The following CDC14C variants were observed in gnomAD, a reference collection of about 807,000 sequenced individuals.
The protein encoded by CDC14C is cell division cycle 14C.
In CDC14C, 19 loss-of-function variants were observed where a neutral mutation model predicts 26.9. That is an observed-to-expected ratio of 0.71 (90% confidence interval 0.49 to 1.04). The LOEUF (loss-of-function observed/expected upper bound fraction) is 1.04. CDC14C is among the 50% of genes least tolerant of loss of function. The pLI, the probability that CDC14C is intolerant of heterozygous loss-of-function variation, is 0.00. For missense variants in CDC14C, 423 were observed against 520.0 expected (o/e 0.81, Z 1.81); for synonymous variants, 185 against 180.1 (o/e 1.03, Z -0.22).
chr7:48,926,536 T>C lies in CDC14C; in HGVS notation c.*520T>C, dbSNP rs1798891625. Among the ~76,000 whole-genome samples the C allele has an allele frequency of 6.6e-6, 1 of 152,104 alleles. No individual in the cohort carries two copies. Among genetic ancestry groups the C allele is most frequent in the Non-Finnish European group, 1.5e-5 (1 of 68,024 alleles). On this transcript the variant is annotated 3_prime_UTR_variant, in exon 1 of 1. Coordinates refer to ENST00000650262, the MANE Select transcript of CDC14C (RefSeq NM_152627.3). ...ATGGGAAACGAAGGGATGGGCCTAA[T>C]TAAAGGCATAGGTTGGGCTAGTTAA...
Position 48,924,618 on chromosome 7 carries a change from C to A in CDC14C, c.-55C>A. ...AAAGCAAGGGGCGGTCGAGCTGGGCCGCCGCGCCCCACTGCTCGCCGCGCT... is the reference window on the plus strand; with the variant it reads ...AAAGCAAGGGGCGGTCGAGCTGGGCAGCCGCGCCCCACTGCTCGCCGCGCT... On this transcript the variant is annotated 5_prime_UTR_variant, in exon 1 of 1. Transcript: ENST00000650262. The A allele has an allele frequency of 3.1e-6, 3 of 968,976 alleles. No homozygotes were observed. The highest frequency in any genetic ancestry group is 4.8e-6 in the Non-Finnish European group (3 of 621,862). The allele number at this position is 968,976 out of a possible 1,614,324, so 60.0% of individuals were successfully genotyped here. A position where few individuals can be genotyped will look rare whatever the true frequency, so the allele number is the denominator to read the frequency against.
rs757814361 is a variant in CDC14C, at chr7:48,925,399, T to C, written c.727T>C (p.Phe243Leu). 2.3e-5 allele frequency: 37 copies of C among 1,611,980 alleles called. 1 individual carries two copies. In the East Asian group the frequency reaches 8.2e-4, roughly 36 times the overall value. The change falls in exon 1 of 1, where the codon TTT (phenylalanine) becomes CTT (leucine). Residue 243 changes from phenylalanine to leucine, a missense_variant. Physicochemically the swap from Phe to Leu is conservative, Grantham distance 22. Coordinates refer to ENST00000650262, the MANE Select transcript of CDC14C (RefSeq NM_152627.3). ...TAAAAGGATGTATGATGCCAAACGC[T>C]TTACGGATGCTGGCTTCGATCACCA... ...LNKRMYDAKR[F>L]TDAGFDHHDL...
chr7:48,924,935 T>C lies in CDC14C; in HGVS notation c.263T>C (p.Ile88Thr), dbSNP rs1322233146. 2.2e-5 allele frequency: 31 copies of C among 1,435,502 alleles called. No homozygotes were observed. The highest frequency in any genetic ancestry group is 3.0e-5 in the Non-Finnish European group (31 of 1,017,148). 88.9% of individuals were successfully genotyped at this position (1,435,502 alleles called of 1,614,324 possible). A position where few individuals can be genotyped will look rare whatever the true frequency, so the allele number is the denominator to read the frequency against. ...LKSITMLRKK[I>T]VHFTGSDQRK... ...TCCATTACAATGTTAAGGAAGAAAA[T>C]TGTTCATTTTACTGGCTCTGATCAG... The change falls in exon 1 of 1, where the codon ATT (isoleucine) becomes ACT (threonine). Residue 88 changes from isoleucine (I) to threonine (T), a missense_variant. Coordinates refer to ENST00000650262, the MANE Select transcript of CDC14C (RefSeq NM_152627.3).
rs1224026666 is a variant in CDC14C, at chr7:48,925,723, C to G, written c.1051C>G (p.Gln351Glu). ...CTATTTTCGTCAGAGGTTAAAGGGG[C>G]AGGAGAATGGACAACACAGAGCAGC... ...GDYFRQRLKGQENGQHRAAFS... is the reference protein window; with the variant it reads ...GDYFRQRLKGEENGQHRAAFS... Residue 351 changes from glutamine to glutamate, a missense_variant, in exon 1 of 1, where the codon CAG becomes GAG. Physicochemically the swap from Gln to Glu is conservative, Grantham distance 29 (BLOSUM62 2). Transcript: ENST00000650262. 8.9e-7 allele frequency: 1 copy of G among 1,122,964 alleles called. No individual in the cohort carries two copies. The highest frequency in any genetic ancestry group is 1.7e-5 in the Admixed American group (1 of 59,422). The allele number at this position is 1,122,964 out of a possible 1,614,324, so 69.6% of individuals were successfully genotyped here. A position where few individuals can be genotyped will look rare whatever the true frequency, so the allele number is the denominator to read the frequency against.
rs1562669283 is a variant in CDC14C at position 48,926,771 on chromosome 7, G to A, written c.*755G>A. 1.3e-5 allele frequency among the ~76,000 whole-genome samples: 2 copies of A among 149,032 alleles called. No homozygotes were observed. The highest frequency in any genetic ancestry group is 1.5e-5 in the Non-Finnish European group (1 of 67,254). On this transcript the variant is annotated 3_prime_UTR_variant, in exon 1 of 1. Coordinates refer to ENST00000650262, the MANE Select transcript of CDC14C (RefSeq NM_152627.3). ...AGATTTTATTTATGGCCAGTTTTGG[G>A]GCCAGTTTATGGCTGGATTTTGGGG...
In CDC14C at chr7:48,925,824, A is replaced by G. The variant is rs775388574; in HGVS notation, c.1152A>G (p.Lys384=). The G allele has an allele frequency of 2.0e-5, 16 of 806,162 alleles. 1 individual carries two copies. The highest frequency in any genetic ancestry group is 2.2e-4 in the Middle Eastern group (1 of 4,544). The allele number at this position is 806,162 out of a possible 1,614,324, so 49.9% of individuals were successfully genotyped here. A position where few individuals can be genotyped will look rare whatever the true frequency, so the allele number is the denominator to read the frequency against. ...AGAATCAAGACCAGCAAGAACCCAAACCTTACAGTGATGACGACGAAATCA... is the reference window on the plus strand; with the variant it reads ...AGAATCAAGACCAGCAAGAACCCAAGCCTTACAGTGATGACGACGAAATCA... The part of the protein sequence containing the change: ...GVENQDQQEP[K]PYSDDDEING... The change falls in exon 1 of 1, where the codon AAA becomes AAG. Residue 384 remains lysine, a synonymous_variant. Coordinates refer to ENST00000650262, the MANE Select transcript of CDC14C (RefSeq NM_152627.3).
At position 48,925,505 on chromosome 7, in the gene CDC14C, G is replaced by A. The variant is rs1798870607; in HGVS notation, c.833G>A (p.Gly278Asp). The A allele has an allele frequency of 5.7e-6, 9 of 1,592,106 alleles. No homozygotes were observed. The East Asian group carries it at 2.0e-4, about 36-fold the overall frequency. ...RFLDICENAEGAIAVHCKAGL... is the reference protein window; with the variant it reads ...RFLDICENAEDAIAVHCKAGL... ...CTGGATATCTGTGAAAATGCTGAGG[G>A]TGCCATTGCAGTACATTGTAAAGCT... The change falls in exon 1 of 1, where the codon GGT becomes GAT. Residue 278 changes from glycine (G) to aspartate (D), a missense_variant. Gly to Asp is a moderately conservative substitution (Grantham distance 94, BLOSUM62 -1). Around this residue, in one of 3 missense-constraint regions of CDC14C, gnomAD observed 22 missense variants for 69.1 expected, o/e 0.32. Coordinates refer to ENST00000650262, the MANE Select transcript of CDC14C (RefSeq NM_152627.3).
rs1334695536 is a variant in CDC14C, at chr7:48,924,971, C to G, written c.299C>G (p.Ala100Gly). Residue 100 changes from alanine to glycine, a missense_variant, in exon 1 of 1, where the codon GCA becomes GGA. By Grantham distance (60) the Ala-to-Gly change is moderately conservative. Around this residue, in one of 3 missense-constraint regions of CDC14C, gnomAD observed 310 missense variants for 356.8 expected, o/e 0.87. Coordinates refer to ENST00000650262, the MANE Select transcript of CDC14C (RefSeq NM_152627.3). Reference protein sequence around the residue: ...HFTGSDQRKQANAAFLVGCYM... With the variant: ...HFTGSDQRKQGNAAFLVGCYM... ...ACTGGCTCTGATCAGAGAAAACAAG[C>G]AAATGCTGCCTTCCTTGTTGGATGC... The G allele has an allele frequency of 9.5e-6, 14 of 1,473,530 alleles. 1 individual carries two copies. The highest frequency in any genetic ancestry group is 6.7e-5 in the Admixed American group (4 of 59,824). 91.3% of individuals were successfully genotyped at this position (1,473,530 alleles called of 1,614,324 possible). A position where few individuals can be genotyped will look rare whatever the true frequency, so the allele number is the denominator to read the frequency against.
In CDC14C at chr7:48,925,269, A is replaced by C; in HGVS notation, c.597A>C (p.Gly199=). ...IIPDRFIAFC[G]PHSRARLESG... Reference sequence around the variant, plus strand: ...CAGACCGATTTATTGCCTTCTGTGGACCTCATTCAAGAGCCAGACTTGAAA... The same window carrying C: ...CAGACCGATTTATTGCCTTCTGTGGCCCTCATTCAAGAGCCAGACTTGAAA... The change falls in exon 1 of 1, where the codon GGA becomes GGC. Residue 199 remains glycine (G), a synonymous_variant. Coordinates refer to ENST00000650262, the MANE Select transcript of CDC14C (RefSeq NM_152627.3). 6.2e-7 allele frequency: 1 copy of C among 1,608,612 alleles called. No homozygotes were observed. The highest frequency in any genetic ancestry group is 8.5e-7 in the Non-Finnish European group (1 of 1,174,942).
In CDC14C at chr7:48,926,675, C is replaced by G. The variant is rs1179314783; in HGVS notation, c.*659C>G. On this transcript the variant is annotated 3_prime_UTR_variant, in exon 1 of 1. Transcript: ENST00000650262. ...CTGGGTGGGCCAGGTGTTCCTTGCC[C>G]TCATTCCGGTAAACCCACACCCTTC... Among the ~76,000 whole-genome samples, 1 of 151,940 alleles carries G rather than the reference C, an allele frequency of 6.6e-6. No individual in the cohort carries two copies. The highest frequency in any genetic ancestry group is 1.5e-5 in the Non-Finnish European group (1 of 68,002).
rs765033989 is a variant in CDC14C, at chr7:48,925,901, C to A, written c.1229C>A (p.Ser410Ter). The change falls in exon 1 of 1, where the codon TCA becomes TAA. Residue 410 changes from serine (S) to a stop codon, truncating the protein, a stop_gained. Coordinates refer to ENST00000650262, the MANE Select transcript of CDC14C (RefSeq NM_152627.3). LOFTEE classifies it high-confidence loss of function. ...RSRALKRRRQ[S>*]KTNDILLPSP... ...CGGGCCCTGAAAAGGCGAAGACAAT[C>A]AAAAACAAACGATATTCTTCTCCCA... 1.2e-5 allele frequency: 10 copies of A among 802,632 alleles called. No individual in the cohort carries two copies. Among genetic ancestry groups the A allele is most frequent in the Middle Eastern group, 2.2e-4 (1 of 4,526 alleles). 49.7% of individuals were successfully genotyped at this position (802,632 alleles called of 1,614,324 possible).
rs1333257664 is a variant in CDC14C, at chr7:48,924,870, G to T, written c.198G>T (p.Met66Ile). 1 of 1,463,658 alleles carries T rather than the reference G, an allele frequency of 6.8e-7. No individual in the cohort carries two copies. Among genetic ancestry groups the T allele is most frequent in the Admixed American group, 1.7e-5 (1 of 59,622 alleles). The allele number at this position is 1,463,658 out of a possible 1,614,324, so 90.7% of individuals were successfully genotyped here. ...ACTTTGGACCACTCAATCTGGCAAT[G>T]GTTTACAGATATTGTTGCAAGATAA... ...SEDFGPLNLA[M>I]VYRYCCKINK... is the part of the protein sequence containing the mutation. The change falls in exon 1 of 1, where the codon ATG becomes ATT. Residue 66 changes from methionine to isoleucine, a missense_variant. This residue lies in a region of CDC14C where 310 missense variants were observed against 356.8 expected (regional missense o/e 0.87). Coordinates refer to ENST00000650262, the MANE Select transcript of CDC14C (RefSeq NM_152627.3).
Position 48,927,250 on chromosome 7 carries a change from A to T in CDC14C, c.*1234A>T. Among the ~76,000 whole-genome samples the T allele has an allele frequency of 6.6e-6, 1 of 152,184 alleles. No individual in the cohort carries two copies. Among genetic ancestry groups the T allele is most frequent in the Non-Finnish European group, 1.5e-5 (1 of 68,050 alleles). On this transcript the variant is annotated 3_prime_UTR_variant, in exon 1 of 1. Transcript: ENST00000650262. The stretch of plus-strand genomic sequence containing the variant: ...CATTTTAAACACTGTTGCATGTTGT[A>T]ATACCAGGTGATACCTTGGTAACCT...
chr7:48,924,883 T>C lies in CDC14C; in HGVS notation c.211T>C (p.Cys71Arg). ...CAATCTGGCAATGGTTTACAGATATTGTTGCAAGATAAATAAGAAATTAAA... is the reference window on the plus strand; with the variant it reads ...CAATCTGGCAATGGTTTACAGATATCGTTGCAAGATAAATAAGAAATTAAA... ...PLNLAMVYRYCCKINKKLKSI... is the reference protein window; with the variant it reads ...PLNLAMVYRYRCKINKKLKSI... Residue 71 changes from cysteine (C) to arginine (R), a missense_variant, in exon 1 of 1, where the codon TGT becomes CGT. By Grantham distance (180) the Cys-to-Arg change is radical. Around this residue, in one of 3 missense-constraint regions of CDC14C, gnomAD observed 310 missense variants for 356.8 expected, o/e 0.87. Transcript: ENST00000650262. 6.9e-7 allele frequency: 1 copy of C among 1,456,066 alleles called. No individual in the cohort carries two copies. The highest frequency in any genetic ancestry group is 9.7e-7 in the Non-Finnish European group (1 of 1,035,512). 90.2% of individuals were successfully genotyped at this position (1,456,066 alleles called of 1,614,324 possible).
rs976322508 is a variant in CDC14C, at chr7:48,924,604, C to T, written c.-69C>T. On this transcript the variant is annotated 5_prime_UTR_variant, in exon 1 of 1. Transcript: ENST00000650262. ...CTCCAGGAAGCGGAAAAGCAAGGGG[C>T]GGTCGAGCTGGGCCGCCGCGCCCCA... The T allele has an allele frequency of 3.5e-6, 3 of 864,472 alleles. No homozygotes were observed. Among genetic ancestry groups the T allele is most frequent in the South Asian group, 3.1e-5 (2 of 64,698 alleles). The allele number at this position is 864,472 out of a possible 1,614,324, so 53.6% of individuals were successfully genotyped here.
rs752658901 is a variant in CDC14C, at chr7:48,924,714, C to A, written c.42C>A (p.Pro14=). 1 of 1,314,216 alleles carries A rather than the reference C, an allele frequency of 7.6e-7. No homozygotes were observed. The highest frequency in any genetic ancestry group is 1.1e-6 in the Non-Finnish European group (1 of 906,806). The allele number at this position is 1,314,216 out of a possible 1,614,324, so 81.4% of individuals were successfully genotyped here. A position where few individuals can be genotyped will look rare whatever the true frequency, so the allele number is the denominator to read the frequency against. The change falls in exon 1 of 1, where the codon CCC becomes CCA. Residue 14 remains proline, a synonymous_variant. Coordinates refer to ENST00000650262, the MANE Select transcript of CDC14C (RefSeq NM_152627.3). ...STLQDPRRRD[P]QDDVYVDITD... is the part of the protein sequence containing the mutation. ...TGCAGGACCCGCGCCGCCGGGACCCCCAGGACGACGTGTACGTGGACATCA... is the reference window on the plus strand; with the variant it reads ...TGCAGGACCCGCGCCGCCGGGACCCACAGGACGACGTGTACGTGGACATCA...
rs388312 is a variant in CDC14C, at chr7:48,925,831, A to G, written c.1159A>G (p.Ser387Gly). 0.52 allele frequency: 355,167 copies of G among 689,104 alleles called. 94,887 individuals are homozygous for G. The highest frequency in any genetic ancestry group is 0.72 in the East Asian group (26,766 of 37,088). 42.7% of individuals were successfully genotyped at this position (689,104 alleles called of 1,614,324 possible). Reference sequence around the variant, plus strand: ...AGACCAGCAAGAACCCAAACCTTACAGTGATGACGACGAAATCAATGGAGT... The same window carrying G: ...AGACCAGCAAGAACCCAAACCTTACGGTGATGACGACGAAATCAATGGAGT... ...NQDQQEPKPYSDDDEINGVTQ... is the reference protein window; with the variant it reads ...NQDQQEPKPYGDDDEINGVTQ... The change falls in exon 1 of 1, where the codon AGT (serine) becomes GGT (glycine). Residue 387 changes from serine (S) to glycine (G), a missense_variant. By Grantham distance (56) the Ser-to-Gly change is moderately conservative. This residue lies in a region of CDC14C where 91 missense variants were observed against 94.2 expected (regional missense o/e 0.97). Transcript: ENST00000650262.
At position 48,927,438 on chromosome 7, in the gene CDC14C, A is replaced by G. The variant is rs946164585; in HGVS notation, c.*1422A>G. Among the ~76,000 whole-genome samples the G allele has an allele frequency of 1.3e-5, 2 of 152,110 alleles. No homozygotes were observed. Among genetic ancestry groups the G allele is most frequent in the Non-Finnish European group, 2.9e-5 (2 of 68,020 alleles). ...GTTGCCAGTCATACAAATTAAAATCATATTTCCTTCCATGCATGGAAAAAA... is the reference window on the plus strand; with the variant it reads ...GTTGCCAGTCATACAAATTAAAATCGTATTTCCTTCCATGCATGGAAAAAA... On this transcript the variant is annotated 3_prime_UTR_variant, in exon 1 of 1. Transcript: ENST00000650262.
chr7:48,924,642 C>T lies in CDC14C; in HGVS notation c.-31C>T. 9.4e-7 allele frequency: 1 copy of T among 1,065,820 alleles called. No individual in the cohort carries two copies. The highest frequency in any genetic ancestry group is 2.4e-5 in the East Asian group (1 of 42,270). 66.0% of individuals were successfully genotyped at this position (1,065,820 alleles called of 1,614,324 possible). ...CCGCCGCGCCCCACTGCTCGCCGCG[C>T]TGCTCTTTGACCTCGCAGGGTGTGA... On this transcript the variant is annotated 5_prime_UTR_variant, in exon 1 of 1. Transcript: ENST00000650262.
Sources: gnomAD v4.1 joint callset for allele counts (sites outside exome capture counted in the v4.1 genomes callset) on GRCh38, gnomAD v4.1.1 for gene constraint, gnomAD v4.1.1 regional missense constraint, MANE v1.5 for transcripts, NCBI Gene and HGNC (gene_info 2026-07-23, HGNC 2026-07-21) for gene names.